PRKCE: variants seen among roughly 807,000 people sequenced by gnomAD.
The protein encoded by PRKCE is protein kinase C epsilon type.
PRKCE carries 16 observed loss-of-function variants against 85.4 expected under a neutral mutation model. The ratio of observed to expected loss-of-function variants is 0.19; its 90% CI spans 0.13 to 0.28. The LOEUF (loss-of-function observed/expected upper bound fraction) is 0.28. Ranked by LOEUF, PRKCE falls within the 10% of genes least tolerant of loss-of-function variation. PRKCE has a pLI of 1.00. For missense variants in PRKCE, 573 were observed against 975.2 expected (o/e 0.59, Z 5.49); for synonymous variants, 388 against 371.5 (o/e 1.04, Z -0.51).
At chr2:46,013,567 G>A (rs1705867110) in intron 10 of PRKCE, among the ~76,000 whole-genome samples, 1 of 152,146 alleles carries the variant, frequency 6.6e-6, no homozygotes, top group South Asian at 2.1e-4. Context: ...AGTCTTGATT[G>A]AGTTTCACTT....
At chr2:45,807,222 AG>A (rs1364375136) in intron 1 of PRKCE, among the ~76,000 whole-genome samples, 2 of 152,246 alleles carry the variant, frequency 1.3e-5, no homozygotes, top group African/African-American at 2.4e-5. Flanking sequence ...TGCTGTAAAG[AG>A]GTAATATACA....
At chr2:46,028,642 A>G (rs1707301669) in intron 10 of PRKCE, among the ~76,000 whole-genome samples, 1 of 152,214 alleles carries the variant, frequency 6.6e-6, no homozygotes, top group African/African-American at 2.4e-5. Context: ...GTTTTCTATA[A>G]GCCAAGAATG....
chr2:45,666,280 A>C (rs1008106634), intron 1 of PRKCE, among the ~76,000 whole-genome samples: 1 of 152,116 alleles, frequency 6.6e-6, no homozygotes, highest in Admixed American at 6.5e-5. Flanking sequence ...CCTGGAATCC[A>C]GGGGATTTGT....
chr2:45,846,938 G>C (rs914104166), intron 2 of PRKCE, among the ~76,000 whole-genome samples: 2 of 152,206 alleles, frequency 1.3e-5, no homozygotes, highest in Non-Finnish European at 2.9e-5. Flanking sequence ...GCTCTACCCA[G>C]TGCCCTTGAA....
intron 11 of PRKCE, among the ~76,000 whole-genome samples, chr2:46,108,342 CAT>C (rs1445864537): frequency 2.0e-4 from 31 of 152,322 alleles, no homozygotes; most frequent in African/African-American, 7.5e-4. Context: ...TTAATGAAAT[CAT>C]ATCTTTTGCA....
At chr2:45,718,728 C>G (rs1390592635) in intron 1 of PRKCE, among the ~76,000 whole-genome samples, 1 of 152,144 alleles carries the variant, frequency 6.6e-6, no homozygotes, top group African/African-American at 2.4e-5. Context: ...GATAAGTTTG[C>G]TAACCTGTTA....
chr2:46,171,734 G>C (rs999246810), intron 14 of PRKCE, among the ~76,000 whole-genome samples: 24 of 152,278 alleles, frequency 1.6e-4, no homozygotes, highest in African/African-American at 5.8e-4. Flanking sequence ...TCAAAGCACT[G>C]GCAAAGTCTC....
rs1428965460 is a variant in PRKCE, at chr2:45,774,046, G to C, written c.349-68954G>C. Among the ~76,000 whole-genome samples the C allele has an allele frequency of 6.6e-6, 1 of 152,168 alleles. No individual in the cohort carries two copies. Among genetic ancestry groups the C allele is most frequent in the Non-Finnish European group, 1.5e-5 (1 of 68,008 alleles). On this transcript the variant is annotated intron_variant, in intron 1 of 14. Coordinates refer to ENST00000306156, the MANE Select transcript of PRKCE (RefSeq NM_005400.3). The surrounding 1 kb of genome is among the most constrained non-coding windows in gnomAD (Gnocchi z 4.3). ...AGTAGAAATTTCCTTCTAGACCCCA[G>C]AGTCCTCCCCTCCCCCGCTGCTGCT... is the stretch of plus-strand genomic sequence containing the variant.
intron 2 of PRKCE, among the ~76,000 whole-genome samples, chr2:45,923,709 G>C (rs1472317458): frequency 6.6e-6 from 1 of 152,200 alleles, no homozygotes; most frequent in Non-Finnish European, 1.5e-5. Context: ...GGTATAGGAG[G>C]GCAGAGCAGG....
chr2:45,746,914 C>A (rs1683182855), intron 1 of PRKCE, among the ~76,000 whole-genome samples: 1 of 152,144 alleles, frequency 6.6e-6, no homozygotes, highest in Non-Finnish European at 1.5e-5. Flanking sequence ...TGGATGCCCT[C>A]CTTTGTCCTC....
chr2:46,140,537 C>T (rs924429314), intron 11 of PRKCE, among the ~76,000 whole-genome samples: 1 of 152,108 alleles, frequency 6.6e-6, no homozygotes, highest in African/African-American at 2.4e-5. Context: ...CCAGATATAT[C>T]AGAGACTTAC....
intron 2 of PRKCE, among the ~76,000 whole-genome samples, chr2:45,969,999 A>C (rs557783672): frequency 6.6e-6 from 1 of 152,330 alleles, no homozygotes; most frequent in East Asian, 1.9e-4. Flanking sequence ...ATAGATATGC[A>C]AAGGGAAACA....
chr2:45,821,487 G>A (rs1218675958), intron 1 of PRKCE, among the ~76,000 whole-genome samples: 1 of 152,188 alleles, frequency 6.6e-6, no homozygotes, highest in Non-Finnish European at 1.5e-5. Context: ...GGTGAGAAGA[G>A]AGTTCCTGAC....
chr2:45,816,367 C>T (rs1689042159), intron 1 of PRKCE, among the ~76,000 whole-genome samples: 1 of 151,946 alleles, frequency 6.6e-6, no homozygotes, highest in African/African-American at 2.4e-5. Context: ...TTTGGAGTGT[C>T]CTGGTGCTCC....
At position 46,041,184 on chromosome 2, in the gene PRKCE, T is replaced by C. The variant is rs1708196059; in HGVS notation, c.1437+30667T>C. Among the ~76,000 whole-genome samples the C allele has an allele frequency of 6.6e-6, 1 of 152,242 alleles. No homozygotes were observed. Among genetic ancestry groups the C allele is most frequent in the Non-Finnish European group, 1.5e-5 (1 of 68,040 alleles). ...TTTTTCTCATATTTGTACCAGTTGT[T>C]AAGCCATAGGTTTTAAACTAACAAA... On this transcript the variant is annotated intron_variant, in intron 10 of 14. Transcript: ENST00000306156. The surrounding 1 kb of genome is among the most constrained non-coding windows in gnomAD (Gnocchi z 5.5).
intron 2 of PRKCE, among the ~76,000 whole-genome samples, chr2:45,874,745 C>G (rs555812846): frequency 6.6e-6 from 1 of 152,112 alleles, no homozygotes; most frequent in Non-Finnish European, 1.5e-5. Context: ...AAGATGCAGC[C>G]CACTGTTTCC....
intron 14 of PRKCE, among the ~76,000 whole-genome samples, chr2:46,181,497 A>G (rs1679975545): frequency 6.6e-6 from 1 of 152,218 alleles, no homozygotes; most frequent in African/African-American, 2.4e-5. Context: ...AGCTGAGCTA[A>G]ATGGCTCTCC....
intron 2 of PRKCE, among the ~76,000 whole-genome samples, chr2:45,893,908 C>T (rs776746654): frequency 4.5e-4 from 68 of 152,262 alleles, no homozygotes; most frequent in Admixed American, 7.8e-4. Flanking sequence ...CCTGGAGAGG[C>T]TGGGGCTCTA....
At chr2:45,757,681 A>T (rs1473735284) in intron 1 of PRKCE, among the ~76,000 whole-genome samples, 1 of 152,144 alleles carries the variant, frequency 6.6e-6, no homozygotes, top group Non-Finnish European at 1.5e-5. Flanking sequence ...AAAAATAATA[A>T]ATAATAAATA....
Sources: gnomAD v4.1 joint callset for allele counts (sites outside exome capture counted in the v4.1 genomes callset) on GRCh38, gnomAD v4.1.1 for gene constraint, Gnocchi (gnomAD v3.1) non-coding constraint, MANE v1.5 for transcripts, NCBI Gene and HGNC (gene_info 2026-07-23, HGNC 2026-07-21) for gene names.